The following PIK3C2G variants were observed in gnomAD, a reference collection of about 807,000 sequenced individuals.
PIK3C2G encodes the protein phosphatidylinositol 3-kinase C2 domain-containing subunit gamma.
A neutral mutation model predicts 181.1 loss-of-function variants in PIK3C2G; 168 were observed. The observed-to-expected ratio is 0.93, with a 90% CI of 0.82 to 1.05. The LOEUF (loss-of-function observed/expected upper bound fraction) is 1.05, where lower values mean the gene tolerates loss of function less well. Ranked by LOEUF, PIK3C2G falls within the 50% of genes least tolerant of loss-of-function variation. The pLI is 0.00. For synonymous variants in PIK3C2G, 573 were observed against 592.2 expected (o/e 0.97, Z 0.47); for missense variants, 1,869 against 1,732.8 (o/e 1.08, Z -1.40).
intron 25 of PIK3C2G, among the ~76,000 whole-genome samples, chr12:18,540,639 C>A (rs1011242841): frequency 1.3e-5 from 2 of 151,800 alleles, no homozygotes; most frequent in Non-Finnish European, 2.9e-5. Context: ...AATAATTTAT[C>A]ATTAATCACT....
At chr12:18,436,580 A>G (rs1170005546) in intron 18 of PIK3C2G, among the ~76,000 whole-genome samples, 1 of 152,062 alleles carries the variant, frequency 6.6e-6, no homozygotes, top group East Asian at 1.9e-4. Flanking sequence ...CACACAGTAT[A>G]CAATTCATTC....
intron 17 of PIK3C2G, among the ~76,000 whole-genome samples, 182 bp downstream of exon 17, chr12:18,421,216 T>C (rs1264054422): frequency 6.6e-6 from 1 of 152,030 alleles, no homozygotes; most frequent in South Asian, 2.1e-4. Context: ...AATTACAAAA[T>C]ACATTAATTC....
the PIK3C2G span, among the ~76,000 whole-genome samples, chr12:18,679,875 C>T: frequency 1.3e-3 from 196 of 151,932 alleles, 1 homozygote; most frequent in African/African-American, 4.2e-3. Context: ...GTTGTGTAAG[C>T]GTAGAAGATA....
rs1199533115 is a variant in PIK3C2G at position 18,562,759 on chromosome 12, C to T, written c.3647C>T (p.Thr1216Ile). ...FPVKLNNLIH[T>I]LAQMSAISPA... ...GTTAAATTGAATAACTTGATCCACA[C>T]ACTTGCACAAATGTCAGCCATAAGC... The change falls in exon 27 of 33, where the codon ACA (threonine) becomes ATA (isoleucine). Residue 1216 changes from threonine (T) to isoleucine (I), a missense_variant. Coordinates refer to ENST00000538779, the MANE Select transcript of PIK3C2G (RefSeq NM_001288772.2). 1 of 1,607,218 alleles carries T rather than the reference C, an allele frequency of 6.2e-7. No homozygotes were observed. The highest frequency in any genetic ancestry group is 1.1e-5 in the South Asian group (1 of 89,780).
intron 1 of PIK3C2G, among the ~76,000 whole-genome samples, chr12:18,269,451 A>C (rs1246894763): frequency 6.6e-6 from 1 of 152,088 alleles, no homozygotes; most frequent in Non-Finnish European, 1.5e-5. Context: ...ATGAAACATT[A>C]TCTCCCCTAG....
At chr12:18,447,021 A>C (rs968005253) in intron 18 of PIK3C2G, among the ~76,000 whole-genome samples, 1 of 152,180 alleles carries the variant, frequency 6.6e-6, no homozygotes, top group Non-Finnish European at 1.5e-5. Flanking sequence ...GTGATCTTAT[A>C]CTTCTGTTTC....
At chr12:18,247,449 G>T (rs1197961893), upstream of PIK3C2G, among the ~76,000 whole-genome samples, 7 of 152,144 alleles carry the variant, frequency 4.6e-5, no homozygotes, top group Non-Finnish European at 7.3e-5. Flanking sequence ...CTGCAGAAGA[G>T]AAAAGAAAGA....
rs540172345 is a variant in PIK3C2G, at chr12:18,394,070, G to A, written c.2126+2818G>A. ...TGCTTCAGGGAGATGTAAAATAAAT[G>A]TGATTTGAGAAGCCACACAATGCTG... is the stretch of plus-strand genomic sequence containing the variant. On this transcript the variant is annotated intron_variant, in intron 15 of 32. Transcript: ENST00000538779. Among the ~76,000 whole-genome samples, 102 of 152,166 alleles carry A rather than the reference G, an allele frequency of 6.7e-4. 2 individuals carry two copies. Among genetic ancestry groups the A allele is most frequent in the Non-Finnish European group, 1.6e-4 (11 of 67,948 alleles).
chr12:18,588,182 T>TAGGAACAGGCAAAGATTTCATG (rs1484017522), intron 29 of PIK3C2G, among the ~76,000 whole-genome samples: 40 of 151,896 alleles, frequency 2.6e-4, no homozygotes, highest in African/African-American at 9.0e-4. Context: ...ACTATGAACA[T>TAGGAACAGGCAAAGATTTCATG]AGGAACAGGC....
chr12:18,270,160 T>G (rs1948688240), intron 1 of PIK3C2G, among the ~76,000 whole-genome samples: 1 of 152,126 alleles, frequency 6.6e-6, no homozygotes, highest in Non-Finnish European at 1.5e-5. Flanking sequence ...TCCACCCACC[T>G]CAGCCTCCCA....
rs368667181 is a variant in PIK3C2G, at chr12:18,391,880, T to C, written c.2126+628T>C. Among the ~76,000 whole-genome samples the C allele has an allele frequency of 5.2e-3, 770 of 148,312 alleles. 6 individuals are homozygous for C. The highest frequency in any genetic ancestry group is 0.019 in the African/African-American group (745 of 39,686). On this transcript the variant is annotated intron_variant, in intron 15 of 32. Transcript: ENST00000538779. The stretch of plus-strand genomic sequence containing the variant: ...CTCTATCTCTTTGTGCGTGTATGTG[T>C]GTGTGTGTGAGAGAGAGAGAGAGAG...
At chr12:18,364,156 C>T (rs1941471022) in intron 12 of PIK3C2G, among the ~76,000 whole-genome samples, 1 of 152,146 alleles carries the variant, frequency 6.6e-6, no homozygotes, top group African/African-American at 2.4e-5. Flanking sequence ...TGCTATCCAC[C>T]AGTCATTTGC....
chr12:18,289,605 T>C (rs1344236042), intron 3 of PIK3C2G, among the ~76,000 whole-genome samples: 1 of 152,134 alleles, frequency 6.6e-6, no homozygotes, highest in Non-Finnish European at 1.5e-5. Flanking sequence ...GCAGCTTACT[T>C]GGAAAATTGT....
chr12:18,304,833 A>C (rs1166612531), intron 5 of PIK3C2G, among the ~76,000 whole-genome samples: 1 of 152,208 alleles, frequency 6.6e-6, no homozygotes, highest in Non-Finnish European at 1.5e-5. Context: ...CTAAGACTTC[A>C]AATATTAAAA....
rs372430045 is a variant in PIK3C2G, at chr12:18,488,534, G to A, written c.2590G>A (p.Ala864Thr). 6.2e-5 allele frequency: 99 copies of A among 1,592,638 alleles called. No individual in the cohort carries two copies. Among genetic ancestry groups the A allele is most frequent in the Non-Finnish European group, 7.9e-5 (92 of 1,169,332 alleles). Residue 864 changes from alanine to threonine, a missense_variant, in exon 19 of 33, where the codon GCC (alanine) becomes ACC (threonine). Coordinates refer to ENST00000538779, the MANE Select transcript of PIK3C2G (RefSeq NM_001288772.2). ...LAALQFCAGK[A>T]LNDEFSKEQK... ...TGCTCTCCAATTCTGTGCAGGTAAA[G>A]CCTTGAATGATGAGTTTTCCAAGGA...
chr12:18,471,551 A>G (rs1029522468), intron 18 of PIK3C2G, among the ~76,000 whole-genome samples: 2 of 152,238 alleles, frequency 1.3e-5, no homozygotes, highest in Middle Eastern at 3.4e-3. Context: ...GCCTTGGCTT[A>G]TGACAGTCTT....
intron 18 of PIK3C2G, among the ~76,000 whole-genome samples, chr12:18,473,114 C>T (rs1319827792): frequency 6.6e-6 from 1 of 152,114 alleles, no homozygotes; most frequent in East Asian, 1.9e-4. Context: ...CTACTGCCCT[C>T]TCAGTAGGGC....
intron 24 of PIK3C2G, among the ~76,000 whole-genome samples, chr12:18,511,697 C>T (rs560618925): frequency 3.3e-5 from 5 of 151,932 alleles, no homozygotes; most frequent in East Asian, 1.9e-4. Context: ...ATTTGAGTTT[C>T]TTATATATTT....
chr12:18,612,490 T>C (rs985636473), intron 31 of PIK3C2G, among the ~76,000 whole-genome samples: 1 of 152,136 alleles, frequency 6.6e-6, no homozygotes, highest in Non-Finnish European at 1.5e-5. Flanking sequence ...GTCGACTTAC[T>C]TCTCATGTGA....
Sources: allele counts gnomAD v4.1 joint callset (sites outside exome capture counted in the v4.1 genomes callset), GRCh38; gene constraint gnomAD v4.1.1; transcripts MANE v1.5; gene names NCBI Gene and HGNC (gene_info 2026-07-23, HGNC 2026-07-21).